The following PLEKHA7 variants were observed in gnomAD, a reference collection of about 807,000 sequenced individuals.
The protein encoded by PLEKHA7 is pleckstrin homology domain-containing family A member 7.
PLEKHA7 carries 104 observed loss-of-function variants against 170.0 expected under a neutral mutation model. The ratio of observed to expected loss-of-function variants is 0.61; its 90% CI spans 0.52 to 0.72. The LOEUF (loss-of-function observed/expected upper bound fraction) is 0.72, where lower values mean the gene tolerates loss of function less well. Among genes scored for constraint, PLEKHA7 ranks in the 30% least tolerant of loss-of-function variants. The pLI, the probability that PLEKHA7 is intolerant of heterozygous loss-of-function variation, is 0.00. For missense variants in PLEKHA7, 1,615 were observed against 1,671.7 expected, an observed-to-expected ratio of 0.97 and a Z score of 0.59; for synonymous variants, 648 against 660.8, an observed-to-expected ratio of 0.98 and a Z score of 0.30.
At chr11:16,884,616 C>T (rs1188036876) in intron 3 of PLEKHA7, among the ~76,000 whole-genome samples, 2 of 150,800 alleles carry the variant, frequency 1.3e-5, no homozygotes, top group Admixed American at 6.6e-5. Flanking sequence ...GCCTGGACAA[C>T]AGAGTGAGAC....
rs939839964 is a variant in PLEKHA7, at chr11:16,826,451, G to C, written c.1012C>G (p.Gln338Glu). 1 of 1,614,114 alleles carries C rather than the reference G, an allele frequency of 6.2e-7. No homozygotes were observed. The highest frequency in any genetic ancestry group is 1.3e-5 in the African/African-American group (1 of 74,936). ...GHDDIVNFER[Q>E]EQEGEQYRSQ... ...CGGTACTGCTCTCCCTCCTGCTCCT[G>C]CCTCTCGAAGTTGACAATGTCATCA... The change falls in exon 10 of 27, where the codon CAG (glutamine) becomes GAG (glutamate). Residue 338 changes from glutamine to glutamate, a missense_variant. Physicochemically the swap from Gln to Glu is conservative, Grantham distance 29. Transcript: ENST00000531066.
chr11:16,947,598 AAAAAAG>A (rs1330859917), intron 3 of PLEKHA7, among the ~76,000 whole-genome samples: 6 of 140,860 alleles, frequency 4.3e-5, no homozygotes, highest in African/African-American at 2.6e-5. Flanking sequence ...CTAAAAAAAA[AAAAAAG>A]AAAGAAAGAA....
chr11:16,919,404 C>T lies in PLEKHA7; in HGVS notation c.222-48222G>A, dbSNP rs111911003. Among the ~76,000 whole-genome samples the T allele has an allele frequency of 4.4e-3, 664 of 152,264 alleles. 6 individuals are homozygous for T. Among genetic ancestry groups the T allele is most frequent in the African/African-American group, 0.015 (625 of 41,554 alleles). On this transcript the variant is annotated intron_variant, in intron 3 of 26. Transcript: ENST00000531066. ...GTAAGAAAATAAAAAGAACCAGATG[C>T]AGTGGCTGGTGCCTGTAATCCCAGC...
intron 23 of PLEKHA7, chr11:16,787,639 G>C (rs891857065): frequency 6.6e-5 from 10 of 152,124 alleles, no homozygotes; most frequent in Non-Finnish European, 1.5e-4. Flanking sequence ...AGGTATCCTG[G>C]GGAAGAACCA....
In PLEKHA7 at chr11:16,789,620, G is replaced by T; in HGVS notation, c.3156+155C>A. ...GAGAGAAAGGCAGGATGCCCTCCTT[G>T]GTGGACAGTGGGTGACAGGGAGCTC... On this transcript the variant is annotated intron_variant, in intron 22 of 26. Coordinates refer to ENST00000531066, the MANE Select transcript of PLEKHA7 (RefSeq NM_001329630.2). This position sits in a 1 kb window ranked among gnomAD's most constrained non-coding sequence, Gnocchi z 4.6. 3 of 666,656 alleles carry T rather than the reference G, an allele frequency of 4.5e-6. No homozygotes were observed. Among genetic ancestry groups the T allele is most frequent in the East Asian group, 5.4e-5 (2 of 36,776 alleles). 41.3% of individuals were successfully genotyped at this position (666,656 alleles called of 1,614,324 possible).
chr11:16,828,070 T>C (rs1850802707), intron 9 of PLEKHA7, among the ~76,000 whole-genome samples: 1 of 152,088 alleles, frequency 6.6e-6, no homozygotes, highest in South Asian at 2.1e-4. Context: ...AACGTGAAAA[T>C]ACAACCCTCC....
chr11:16,855,356 G>A (rs1443026645), intron 5 of PLEKHA7, among the ~76,000 whole-genome samples: 2 of 152,132 alleles, frequency 1.3e-5, no homozygotes, highest in African/African-American at 2.4e-5. Flanking sequence ...CTCCTATCTG[G>A]GTTCAACCCT....
chr11:16,800,935 AAAC>A (rs778921244), intron 17 of PLEKHA7, 36 bp downstream of exon 17: 1 of 1,565,102 alleles, frequency 6.4e-7, no homozygotes, highest in Non-Finnish European at 8.8e-7. Context: ...AAAAAACAAA[AAAC>A]AAGAGCTCAG....
At chr11:16,917,646 A>G (rs1858789412) in intron 3 of PLEKHA7, among the ~76,000 whole-genome samples, 1 of 152,230 alleles carries the variant, frequency 6.6e-6, no homozygotes, top group African/African-American at 2.4e-5. Flanking sequence ...GGGCCCACCC[A>G]GATAATCCAG....
chr11:16,779,391 A>C (rs1015858930), intron 26 of PLEKHA7, among the ~76,000 whole-genome samples: 4 of 152,214 alleles, frequency 2.6e-5, no homozygotes, highest in Non-Finnish European at 5.9e-5. Flanking sequence ...CCACTTCTTA[A>C]CAAGGATGCT....
chr11:16,890,843 G>A (rs1272114364), intron 3 of PLEKHA7, among the ~76,000 whole-genome samples: 1 of 151,706 alleles, frequency 6.6e-6, no homozygotes, highest in Non-Finnish European at 1.5e-5. Context: ...CCACTAACAT[G>A]AAAAAATATA....
Position 16,815,652 on chromosome 11 carries a change from A to T in PLEKHA7, c.1953+526T>A, listed in dbSNP as rs573698247. On this transcript the variant is annotated intron_variant, in intron 12 of 26. Transcript: ENST00000531066. ...TATCTCAGCCTTCCGAATAGCTGGG[A>T]TCACAGGAGTGTACCACCACACCCA... Among the ~76,000 whole-genome samples the T allele has an allele frequency of 5.9e-4, 90 of 152,240 alleles. 1 individual carries two copies. Among genetic ancestry groups the T allele is most frequent in the Non-Finnish European group, 9.7e-4 (66 of 68,014 alleles).
At position 16,855,869 on chromosome 11, in the gene PLEKHA7, G is replaced by A. The variant is rs750988517; in HGVS notation, c.351C>T (p.Ser117=). Residue 117 remains serine, a synonymous_variant, in exon 5 of 27, where the codon TCC becomes TCT. Transcript: ENST00000531066. ...CCGTGGATGTTTCACTGACCATGCTGGACGGTCTTTGGTTTCTGTCTTGCT... is the reference window on the plus strand; with the variant it reads ...CCGTGGATGTTTCACTGACCATGCTAGACGGTCTTTGGTTTCTGTCTTGCT... ...MSKQDRNQRP[S]SMVSETSTAG... The A allele has an allele frequency of 2.5e-6, 4 of 1,614,178 alleles. No individual in the cohort carries two copies. The highest frequency in any genetic ancestry group is 1.7e-6 in the Non-Finnish European group (2 of 1,180,022).
At chr11:16,914,847 G>C (rs900075947) in intron 3 of PLEKHA7, among the ~76,000 whole-genome samples, 1 of 152,148 alleles carries the variant, frequency 6.6e-6, no homozygotes, top group Non-Finnish European at 1.5e-5. Context: ...ATGGTTAAGT[G>C]GCAGGGCTGG....
intron 3 of PLEKHA7, among the ~76,000 whole-genome samples, chr11:16,979,006 G>A (rs989025617): frequency 1.3e-5 from 2 of 152,076 alleles, no homozygotes; most frequent in African/African-American, 2.4e-5. Context: ...AACAAGATTT[G>A]TAAAGTTCCA....
intron 3 of PLEKHA7, among the ~76,000 whole-genome samples, chr11:16,965,383 T>C (rs1032982696): frequency 2.0e-5 from 3 of 152,180 alleles, no homozygotes; most frequent in African/African-American, 7.2e-5. Context: ...GTTGTAGTTT[T>C]TTCCTCTGAA....
At chr11:16,990,821 T>C (rs1475733578) in intron 3 of PLEKHA7, among the ~76,000 whole-genome samples, 3 of 152,236 alleles carry the variant, frequency 2.0e-5, no homozygotes, top group Non-Finnish European at 4.4e-5. Flanking sequence ...AATCCTATTG[T>C]TCTGGGCACA....
chr11:16,807,918 C>T (rs35453564), intron 13 of PLEKHA7, among the ~76,000 whole-genome samples: 24,067 of 152,122 alleles, frequency 0.16, 2,146 homozygotes, highest in Admixed American at 0.26. Flanking sequence ...CTGAGTGATT[C>T]GAATATGCAG....
At chr11:16,884,225 A>G (rs1003300248) in intron 3 of PLEKHA7, among the ~76,000 whole-genome samples, 1 of 152,196 alleles carries the variant, frequency 6.6e-6, no homozygotes, top group African/African-American at 2.4e-5. Flanking sequence ...AATATGCATC[A>G]GAGACTTCAA....
Sources: allele counts gnomAD v4.1 joint callset (sites outside exome capture counted in the v4.1 genomes callset), GRCh38; gene constraint gnomAD v4.1.1; non-coding constraint Gnocchi (gnomAD v3.1); transcripts MANE v1.5; gene names NCBI Gene and HGNC (gene_info 2026-07-23, HGNC 2026-07-21).